Variants in CCDC148 observed in about 807,000 individuals in gnomAD.
CCDC148 encodes coiled-coil domain-containing protein 148.
A neutral mutation model predicts 85.7 loss-of-function variants in CCDC148; 89 were observed. The observed-to-expected ratio is 1.04, with a 90% CI of 0.87 to 1.24. The LOEUF is 1.24. Ranked by LOEUF, CCDC148 falls within the 50% of genes most tolerant of loss-of-function variation. The probability of loss-of-function intolerance (pLI) is 0.00; values close to 1 mark genes in which losing one functional copy is unlikely to be tolerated. For synonymous variants in CCDC148, 230 were observed against 213.9 expected (o/e 1.08, Z -0.66); for missense variants, 692 against 671.7 (o/e 1.03, Z -0.33).
intron 1 of CCDC148, among the ~76,000 whole-genome samples, chr2:158,412,992 T>C (rs1452220724): frequency 6.6e-6 from 1 of 151,860 alleles, no homozygotes; most frequent in African/African-American, 2.4e-5. Context: ...CCTAATGCTA[T>C]AGCAATATAA....
intron 1 of CCDC148, among the ~76,000 whole-genome samples, chr2:158,374,595 G>A (rs1250171316): frequency 2.0e-5 from 3 of 151,966 alleles, no homozygotes; most frequent in East Asian, 3.9e-4. Context: ...GCAATTGGAG[G>A]TTAGTGTCAA....
intron 2 of CCDC148, among the ~76,000 whole-genome samples, chr2:158,347,774 C>A (rs574843384): frequency 6.6e-6 from 1 of 152,096 alleles, no homozygotes; most frequent in East Asian, 1.9e-4. Context: ...TTGAGACAGA[C>A]GTCAATAACT....
At chr2:158,347,405 T>A (rs927048503) in intron 2 of CCDC148, among the ~76,000 whole-genome samples, 2 of 152,060 alleles carry the variant, frequency 1.3e-5, no homozygotes, top group South Asian at 2.1e-4. Context: ...CTGATTTTTT[T>A]ATAAATTCAC....
At chr2:158,307,771 A>G (rs1486701551) in intron 9 of CCDC148, among the ~76,000 whole-genome samples, 1 of 152,230 alleles carries the variant, frequency 6.6e-6, no homozygotes, top group African/African-American at 2.4e-5. Context: ...TCCAAGAAGT[A>G]CAAAGGACTA....
At chr2:158,244,869 C>G (rs1357041919) in intron 10 of CCDC148, among the ~76,000 whole-genome samples, 1 of 152,066 alleles carries the variant, frequency 6.6e-6, no homozygotes, top group East Asian at 1.9e-4. Flanking sequence ...TTGACCGACC[C>G]CTTTAAATTC....
At chr2:158,335,230 T>C (rs910137002) in intron 7 of CCDC148, among the ~76,000 whole-genome samples, 5 of 152,168 alleles carry the variant, frequency 3.3e-5, no homozygotes, top group African/African-American at 4.8e-5. Flanking sequence ...CTTGGTAACA[T>C]CCATGCAGAA....
rs763807417 is a variant in CCDC148 at position 158,340,597 on chromosome 2, C to T, written c.334+1G>A. ...TAAATATAGGATCAAAAAAATCTTA[C>T]CAAAATTTGTAAGGTCACAAAGACA... On this transcript the variant is annotated splice_donor_variant, in intron 4 of 13. Coordinates refer to ENST00000283233, the MANE Select transcript of CCDC148 (RefSeq NM_138803.4). LOFTEE classifies it high-confidence loss of function. 6.3e-7 allele frequency: 1 copy of T among 1,575,280 alleles called. No homozygotes were observed. Among genetic ancestry groups the T allele is most frequent in the Non-Finnish European group, 8.6e-7 (1 of 1,158,922 alleles).
intron 10 of CCDC148, among the ~76,000 whole-genome samples, chr2:158,240,089 C>T (rs1314691924): frequency 1.3e-5 from 2 of 151,732 alleles, no homozygotes; most frequent in Non-Finnish European, 2.9e-5. Flanking sequence ...TTCAGCTCTA[C>T]TGGCAGCAAG....
chr2:158,369,046 T>C (rs1684320198), intron 1 of CCDC148, among the ~76,000 whole-genome samples: 1 of 152,146 alleles, frequency 6.6e-6, no homozygotes, highest in Non-Finnish European at 1.5e-5. Context: ...ATATGTAGAC[T>C]AGTCAATCAC....
chr2:158,281,076 C>T (rs567749484), intron 9 of CCDC148, among the ~76,000 whole-genome samples: 11 of 152,138 alleles, frequency 7.2e-5, no homozygotes, highest in Admixed American at 5.2e-4. Flanking sequence ...TCTTTGAAAC[C>T]GACGAGAACA....
intron 1 of CCDC148, among the ~76,000 whole-genome samples, chr2:158,432,080 T>C (rs1687380488): frequency 1.3e-5 from 2 of 152,094 alleles, no homozygotes; most frequent in South Asian, 4.1e-4. Context: ...TGATAAAACA[T>C]AATTTAAGAT....
chr2:158,252,776 A>T (rs115508873), intron 9 of CCDC148, among the ~76,000 whole-genome samples: 3,197 of 151,812 alleles, frequency 0.021, 37 homozygotes, highest in South Asian at 0.027. Context: ...ATCCCCTTCT[A>T]GGAGTTCATT....
chr2:158,200,058 A>G (rs1468951603), intron 11 of CCDC148, among the ~76,000 whole-genome samples: 8 of 152,200 alleles, frequency 5.3e-5, no homozygotes, highest in Admixed American at 5.2e-4. Flanking sequence ...GACAGGATAA[A>G]GGAAGATTCT....
chr2:158,353,044 C>G (rs1433297660), intron 2 of CCDC148, among the ~76,000 whole-genome samples: 41 of 151,690 alleles, frequency 2.7e-4, no homozygotes, highest in Admixed American at 1.8e-3. Flanking sequence ...TTTGTCACCA[C>G]CACGCCTGCC....
chr2:158,294,071 G>A (rs1443356924), intron 9 of CCDC148, among the ~76,000 whole-genome samples: 1 of 127,428 alleles, frequency 7.8e-6, no homozygotes, highest in East Asian at 2.4e-4. Flanking sequence ...CTTCCGCCTT[G>A]GAAATCCCTC....
intron 7 of CCDC148, among the ~76,000 whole-genome samples, chr2:158,330,529 A>C (rs1188709422): frequency 6.6e-6 from 1 of 152,180 alleles, no homozygotes; most frequent in African/African-American, 2.4e-5. Context: ...TCATAGAATG[A>C]GTTAGGGAGG....
chr2:158,323,035 T>C (rs1040810660), intron 7 of CCDC148, among the ~76,000 whole-genome samples: 1 of 152,180 alleles, frequency 6.6e-6, no homozygotes, highest in African/African-American at 2.4e-5. Flanking sequence ...CACAATCTCA[T>C]CTGAGTCTCA....
At chr2:158,226,509 G>C (rs1345170276) in intron 10 of CCDC148, among the ~76,000 whole-genome samples, 1 of 152,106 alleles carries the variant, frequency 6.6e-6, no homozygotes, top group Non-Finnish European at 1.5e-5. Context: ...CAAAAAAAGA[G>C]AATTTTAGAC....
At chr2:158,243,615 C>T (rs1279429706) in intron 10 of CCDC148, among the ~76,000 whole-genome samples, 10 of 152,074 alleles carry the variant, frequency 6.6e-5, no homozygotes, top group Admixed American at 3.9e-4. Context: ...TGAGAAGCAC[C>T]GTTGATCTCC....
Sources: allele counts gnomAD v4.1 joint callset (sites outside exome capture counted in the v4.1 genomes callset), GRCh38; gene constraint gnomAD v4.1.1; transcripts MANE v1.5; gene names NCBI Gene and HGNC (gene_info 2026-07-23, HGNC 2026-07-21).